Variants in CRTAM observed in about 807,000 individuals in gnomAD.
CRTAM encodes the protein cytotoxic and regulatory T cell molecule, also known as cytotoxic and regulatory T-cell molecule.
In CRTAM, 44 loss-of-function variants were observed where a neutral mutation model predicts 50.0. The observed-to-expected ratio is 0.88, with a 90% CI of 0.69 to 1.13. CRTAM has a LOEUF of 1.13. Ranked by LOEUF, CRTAM falls within the 50% of genes most tolerant of loss-of-function variation. CRTAM has a pLI of 0.00. For synonymous variants in CRTAM, 159 were observed against 169.3 expected (o/e 0.94, Z 0.47); for missense variants, 448 against 457.5 (o/e 0.98, Z 0.19).
chr11:122,871,612 C>A lies in CRTAM; in HGVS notation c.*213C>A. 2.8e-6 allele frequency: 1 copy of A among 356,184 alleles called. No individual in the cohort carries two copies. 22.1% of individuals were successfully genotyped at this position (356,184 alleles called of 1,614,324 possible). ...AAGCTTGTAGTTTAAAAAAGAAAAG[C>A]AAAAAAATAATTATGCCTGACACTA... On this transcript the variant is annotated 3_prime_UTR_variant, in exon 10 of 10. Transcript: ENST00000227348.
intron 5 of CRTAM, among the ~76,000 whole-genome samples, chr11:122,858,704 T>C (rs1014503061): frequency 1.3e-5 from 2 of 152,066 alleles, no homozygotes; most frequent in Non-Finnish European, 2.9e-5. Context: ...AATTTTAAAA[T>C]TTTTTATAGA....
At chr11:122,849,641 G>C (rs1258988227) in intron 1 of CRTAM, among the ~76,000 whole-genome samples, 2 of 152,094 alleles carry the variant, frequency 1.3e-5, no homozygotes, top group Non-Finnish European at 2.9e-5. Context: ...AGAATCGCTT[G>C]AACCCAGGAG....
At chr11:122,854,869 A>G (rs1443844991) in intron 4 of CRTAM, among the ~76,000 whole-genome samples, 1 of 152,220 alleles carries the variant, frequency 6.6e-6, no homozygotes, top group Non-Finnish European at 1.5e-5. Context: ...TTGAAACAGA[A>G]TAACTAATTA....
At chr11:122,839,933 A>G (rs1879883) in intron 1 of CRTAM, among the ~76,000 whole-genome samples, 81,670 of 151,960 alleles carry the variant, frequency 0.54, 22,295 homozygotes, top group Admixed American at 0.63. Context: ...GAGGCACTTA[A>G]TAAGGATTCA....
chr11:122,853,135 C>T (rs1190515422), intron 3 of CRTAM, among the ~76,000 whole-genome samples: 2 of 151,334 alleles, frequency 1.3e-5, no homozygotes, highest in Non-Finnish European at 2.9e-5. Context: ...GCAAACTCGG[C>T]TTACTGCACA....
At chr11:122,858,673 G>A (rs1233475984) in intron 5 of CRTAM, among the ~76,000 whole-genome samples, 1 of 152,004 alleles carries the variant, frequency 6.6e-6, no homozygotes, top group Non-Finnish European at 1.5e-5. Flanking sequence ...GGGACTACAG[G>A]TGCACACACC....
intron 1 of CRTAM, among the ~76,000 whole-genome samples, chr11:122,844,603 T>C (rs1861839917): frequency 1.3e-5 from 2 of 152,260 alleles, no homozygotes; most frequent in African/African-American, 2.4e-5. Context: ...TCGTGAATAC[T>C]AGCATTAAGC....
In CRTAM at chr11:122,838,738, A is replaced by G. The variant is rs552191442; in HGVS notation, c.46+146A>G. On this transcript the variant is annotated intron_variant, in intron 1 of 9. Coordinates refer to ENST00000227348, the MANE Select transcript of CRTAM (RefSeq NM_019604.4). ...CTAATACTTTCCAAGCCATGCTCAA[A>G]TCATGCATCTGAGGGATGTTACTGC... 4 of 682,116 alleles carry G rather than the reference A, an allele frequency of 5.9e-6. No individual in the cohort carries two copies. The East Asian group carries it at 7.9e-5, about 14-fold the overall frequency. 42.3% of individuals were successfully genotyped at this position (682,116 alleles called of 1,614,324 possible).
intron 2 of CRTAM, among the ~76,000 whole-genome samples, chr11:122,850,573 T>A (rs546244214): frequency 2.9e-4 from 44 of 152,332 alleles, no homozygotes; most frequent in Non-Finnish European, 2.9e-4. Context: ...CCGATCCTCA[T>A]GCAACCACCA....
chr11:122,840,385 A>C (rs1296229575), intron 1 of CRTAM, among the ~76,000 whole-genome samples: 3 of 152,176 alleles, frequency 2.0e-5, no homozygotes, highest in Admixed American at 6.5e-5. Context: ...TAAAGCACAT[A>C]GTAAAAGTAT....
At chr11:122,850,449 G>C (rs963258180) in intron 2 of CRTAM, among the ~76,000 whole-genome samples, 1 of 152,164 alleles carries the variant, frequency 6.6e-6, no homozygotes, top group Non-Finnish European at 1.5e-5. Flanking sequence ...AGGGGGTTCA[G>C]ATTACAAAGC....
rs192054016 is a variant in CRTAM, at chr11:122,865,331, G to A, written c.817+612G>A. ...ATTACAGGCGTGAGCCACCGCGCCC[G>A]GCTGTTCTTCCCTTATTTTTTAAAG... On this transcript the variant is annotated intron_variant, in intron 7 of 9. Coordinates refer to ENST00000227348, the MANE Select transcript of CRTAM (RefSeq NM_019604.4). Among the ~76,000 whole-genome samples, 541 of 152,150 alleles carry A rather than the reference G, an allele frequency of 3.6e-3. 1 individual carries two copies. The highest frequency in any genetic ancestry group is 8.9e-3 in the South Asian group (43 of 4,822).
At chr11:122,868,908 C>G (rs1161211863) in intron 9 of CRTAM, among the ~76,000 whole-genome samples, 1 of 152,092 alleles carries the variant, frequency 6.6e-6, no homozygotes, top group Non-Finnish European at 1.5e-5. Flanking sequence ...ACTTGGGAGG[C>G]TGAGGCAGGA....
intron 6 of CRTAM, 61 bp downstream of exon 6, chr11:122,862,605 T>G: frequency 1.9e-6 from 2 of 1,078,120 alleles, no homozygotes; most frequent in South Asian, 2.7e-5. Context: ...GGAAGGTTAT[T>G]TTTCTCATTC....
At chr11:122,862,200 C>G (rs1862094601) in intron 5 of CRTAM, 1 of 482,674 alleles carries the variant, frequency 2.1e-6, no homozygotes, top group Admixed American at 3.4e-5. Context: ...CAGATAGAAA[C>G]AGTGAATACT....
At chr11:122,856,139 A>G (rs1490928082) in intron 5 of CRTAM, among the ~76,000 whole-genome samples, 1 of 152,192 alleles carries the variant, frequency 6.6e-6, no homozygotes, top group Non-Finnish European at 1.5e-5. Context: ...AAATCGTTTT[A>G]TTGCTGTTGT....
At chr11:122,870,956 G>A (rs1591359345) in intron 9 of CRTAM, among the ~76,000 whole-genome samples, 1 of 152,114 alleles carries the variant, frequency 6.6e-6, no homozygotes, top group Non-Finnish European at 1.5e-5. Flanking sequence ...GTGTGTGCCT[G>A]TAATTCCAGG....
intron 1 of CRTAM, among the ~76,000 whole-genome samples, chr11:122,846,998 AAG>A (rs1477516024): frequency 1.3e-5 from 2 of 152,240 alleles, no homozygotes; most frequent in Admixed American, 6.5e-5. Flanking sequence ...TTTGTAAAGC[AAG>A]AGTCAGTTCA....
In CRTAM at chr11:122,870,618, T is replaced by C. The variant is rs559665808; in HGVS notation, c.1052-651T>C. Among the ~76,000 whole-genome samples, 310 of 152,328 alleles carry C rather than the reference T, an allele frequency of 2.0e-3. 1 individual carries two copies. The highest frequency in any genetic ancestry group is 4.0e-3 in the Non-Finnish European group (269 of 68,034). ...TGTACAGAATTGCATAGGCCTTGAGTGTGATCTGCCCCGACCCTATTTTTG... is the reference window on the plus strand; with the variant it reads ...TGTACAGAATTGCATAGGCCTTGAGCGTGATCTGCCCCGACCCTATTTTTG... On this transcript the variant is annotated intron_variant, in intron 9 of 9. Transcript: ENST00000227348.
Sources: allele counts gnomAD v4.1 joint callset (sites outside exome capture counted in the v4.1 genomes callset), GRCh38; gene constraint gnomAD v4.1.1; transcripts MANE v1.5; gene names NCBI Gene and HGNC (gene_info 2026-07-23, HGNC 2026-07-21).